Variants in MSN observed in about 807,000 individuals in gnomAD.
MSN encodes epididymis luminal protein 70.
Under a neutral mutation model 48.0 loss-of-function variants are expected in MSN, and 2 were observed. The observed-to-expected ratio is 0.04, with a 90% CI of 0.02 to 0.13. The LOEUF is 0.13. Among genes scored for constraint, MSN ranks in the 10% least tolerant of loss-of-function variants. MSN has a pLI of 1.00. For synonymous variants in MSN, 146 were observed against 166.9 expected, an observed-to-expected ratio of 0.87 and a Z score of 0.97; for missense variants, 267 against 470.1, an observed-to-expected ratio of 0.57 and a Z score of 3.99.
chrX:65,609,448 C>T (rs968920754), intron 1 of MSN, among the ~76,000 whole-genome samples: 1 of 110,972 alleles, frequency 9.0e-6, no homozygotes, highest in African/African-American at 3.3e-5. Flanking sequence ...AGGAAATGCC[C>T]ATTGCTATGA....
At chrX:65,664,949 C>T (rs765003656), upstream of MSN, among the ~76,000 whole-genome samples, 18 of 109,862 alleles carry the variant, frequency 1.6e-4, 1 homozygote, top group South Asian at 4.3e-3. Context: ...GGGGTTTTCC[C>T]ATGTTGGCCA....
At position 65,737,311 on chromosome X, in the gene MSN, G is replaced by C. The variant is rs773442099; in HGVS notation, c.1224G>C (p.Arg408=). 8.3e-7 allele frequency: 1 copy of C among 1,208,754 alleles called. No homozygotes were observed. The highest frequency in any genetic ancestry group is 1.8e-5 in the African/African-American group (1 of 57,123). Residue 408 remains arginine, a synonymous_variant, in exon 10 of 13, where the codon CGG becomes CGC. Transcript: ENST00000360270. ...EAKEALLQAS[R]DQKKTQEQLA... is the part of the protein sequence containing the mutation. The stretch of plus-strand genomic sequence containing the variant: ...AGGAGGCCTTGCTGCAGGCCTCCCG[G>C]GACCAGAAAAAGACTCAGGAACAGC...
chrX:65,619,768 G>A (rs1270923052), intron 1 of MSN, among the ~76,000 whole-genome samples: 1 of 109,313 alleles, frequency 9.1e-6, no homozygotes, highest in Non-Finnish European at 1.9e-5. Context: ...CGTTCCTTTG[G>A]AGGAGGAGAG....
chrX:65,627,043 T>C (rs1361211293), intron 1 of MSN, among the ~76,000 whole-genome samples: 1 of 111,088 alleles, frequency 9.0e-6, no homozygotes, highest in Non-Finnish European at 1.9e-5. Context: ...TCAGCTGCCT[T>C]TTTTCCCTTT....
chrX:65,736,273 AG>A lies in MSN; in HGVS notation c.960-518del, dbSNP rs745663577. On this transcript the variant is annotated intron_variant, in intron 8 of 12. Coordinates refer to ENST00000360270, the MANE Select transcript of MSN (RefSeq NM_002444.3). Reference sequence around the variant, plus strand: ...GTGGGAGAGCTAGGATTCCTGACTCAGGGGTACATTGACAGGGCCCCGTGTA... The same window carrying A: ...GTGGGAGAGCTAGGATTCCTGACTCAGGGTACATTGACAGGGCCCCGTGTA... 2.2e-3 allele frequency among the ~76,000 whole-genome samples: 242 copies of A among 110,906 alleles called. 2 individuals carry two copies. The highest frequency in any genetic ancestry group is 3.9e-3 in the Non-Finnish European group (208 of 52,864).
chrX:65,679,779 A>G (rs1320650178), intron 1 of MSN, among the ~76,000 whole-genome samples: 1 of 112,695 alleles, frequency 8.9e-6, no homozygotes, highest in Non-Finnish European at 1.9e-5. Context: ...AGAGTTGGCC[A>G]TGAACATAAA....
At chrX:65,687,605 A>ACC (rs890221396) in intron 1 of MSN, among the ~76,000 whole-genome samples, 1 of 111,826 alleles carries the variant, frequency 8.9e-6, no homozygotes, top group Non-Finnish European at 1.9e-5. Flanking sequence ...AAAATGGTGA[A>ACC]CTTTGCACTC....
intron 1 of MSN, among the ~76,000 whole-genome samples, chrX:65,649,582 A>T (rs1302989947): frequency 1.0e-5 from 1 of 98,371 alleles, no homozygotes; most frequent in African/African-American, 4.0e-5. Flanking sequence ...TCTCAAAAAA[A>T]AAAAAAATAT....
At chrX:65,727,023 G>T (rs2071574285) in intron 2 of MSN, among the ~76,000 whole-genome samples, 1 of 111,255 alleles carries the variant, frequency 9.0e-6, no homozygotes, top group African/African-American at 3.3e-5. Flanking sequence ...CTGCTACACT[G>T]AGGTACTTAC....
At chrX:65,591,306 C>T (rs1180521765) in intron 1 of MSN, among the ~76,000 whole-genome samples, 2 of 111,667 alleles carry the variant, frequency 1.8e-5, no homozygotes, top group African/African-American at 6.5e-5. Flanking sequence ...CTTTACATGT[C>T]TCTGGTGGAC....
chrX:65,663,298 T>G (rs1268867320), upstream of MSN, among the ~76,000 whole-genome samples: 3 of 108,924 alleles, frequency 2.8e-5, no homozygotes, highest in African/African-American at 1.0e-4. Flanking sequence ...AACAGACACT[T>G]CTCAGAAAAA....
intron 1 of MSN, among the ~76,000 whole-genome samples, chrX:65,601,553 C>T (rs941850650): frequency 8.0e-5 from 9 of 112,795 alleles, no homozygotes; most frequent in African/African-American, 2.9e-4. Flanking sequence ...CCTTATAGGG[C>T]TAGAAAGGCC....
At chrX:65,691,451 A>G (rs1213769497) in intron 1 of MSN, among the ~76,000 whole-genome samples, 1 of 111,848 alleles carries the variant, frequency 8.9e-6, no homozygotes, top group Non-Finnish European at 1.9e-5. Flanking sequence ...AGCAGTAGTT[A>G]ACTTTTCAGG....
In MSN at chrX:65,737,213, G is replaced by C; in HGVS notation, c.1126G>C (p.Glu376Gln). 8.3e-7 allele frequency: 1 copy of C among 1,207,556 alleles called. No individual in the cohort carries two copies. Among genetic ancestry groups the C allele is most frequent in the Admixed American group, 2.2e-5 (1 of 45,588 alleles). ...EEQTRRALEL[E>Q]QERKRAQSEA... ...ACAGACCCGTAGGGCTCTGGAACTT[G>C]AGCAGGAACGGAAGCGTGCCCAGAG... is the stretch of plus-strand genomic sequence containing the variant. The change falls in exon 10 of 13, where the codon GAG becomes CAG. Residue 376 changes from glutamate (E) to glutamine (Q), a missense_variant. By Grantham distance (29) the Glu-to-Gln change is conservative. This residue lies in a region of MSN where 70 missense variants were observed against 76.3 expected (regional missense o/e 0.92). Transcript: ENST00000360270.
At chrX:65,639,978 G>A (rs2070636448) in intron 1 of MSN, among the ~76,000 whole-genome samples, 1 of 111,604 alleles carries the variant, frequency 9.0e-6, no homozygotes, top group East Asian at 2.8e-4. Flanking sequence ...GATGCTAGGG[G>A]TGCCCCAGTG....
At chrX:65,689,341 A>G (rs1209556476) in intron 1 of MSN, among the ~76,000 whole-genome samples, 1 of 111,905 alleles carries the variant, frequency 8.9e-6, no homozygotes, top group Non-Finnish European at 1.9e-5. Flanking sequence ...ACTGAGCCAA[A>G]TGGACAACTC....
chrX:65,594,200 G>T (rs751502696), intron 1 of MSN, among the ~76,000 whole-genome samples: 1 of 111,993 alleles, frequency 8.9e-6, no homozygotes, highest in East Asian at 2.8e-4. Context: ...TTAATTTAGA[G>T]TTGGGAAAAA....
upstream of MSN, chrX:65,667,558 C>A: frequency 2.6e-6 from 2 of 783,475 alleles, no homozygotes; most frequent in Non-Finnish European, 3.1e-6. Context: ...CGGGGCTGGG[C>A]GGGGCAAGGC....
chrX:65,719,718 T>G (rs2071499017), intron 2 of MSN, among the ~76,000 whole-genome samples: 1 of 111,188 alleles, frequency 9.0e-6, no homozygotes, highest in Non-Finnish European at 1.9e-5. Context: ...CTATACTCCT[T>G]CCAAGAGCCC....
Sources: gnomAD v4.1 joint callset for allele counts (sites outside exome capture counted in the v4.1 genomes callset) on GRCh38, gnomAD v4.1.1 for gene constraint, gnomAD v4.1.1 regional missense constraint, MANE v1.5 for transcripts, NCBI Gene and HGNC (gene_info 2026-07-23, HGNC 2026-07-21) for gene names.